The following NRG1 variants were observed in gnomAD, a reference collection of about 807,000 sequenced individuals.
NRG1 encodes pro-neuregulin-1, membrane-bound isoform.
A neutral mutation model predicts 63.8 loss-of-function variants in NRG1; 18 were observed. The ratio of observed to expected loss-of-function variants is 0.28; its 90% CI spans 0.19 to 0.42. The LOEUF is 0.42. Among genes scored for constraint, NRG1 ranks in the 10% least tolerant of loss-of-function variants. The probability of loss-of-function intolerance (pLI) is 1.00; values close to 1 mark genes in which losing one functional copy is unlikely to be tolerated. For synonymous variants in NRG1, 302 were observed against 301.3 expected (o/e 1.00, Z -0.02); for missense variants, 762 against 814.7 (o/e 0.94, Z 0.79).
At chr8:31,977,106 T>A (rs1383226867) in intron 1 of NRG1, among the ~76,000 whole-genome samples, 2 of 152,182 alleles carry the variant, frequency 1.3e-5, no homozygotes, top group Non-Finnish European at 2.9e-5. Flanking sequence ...ACCAATGTAA[T>A]TTCCTCGTTG....
At chr8:32,605,921 A>C (rs1845180912) in intron 3 of NRG1, among the ~76,000 whole-genome samples, 1 of 152,030 alleles carries the variant, frequency 6.6e-6, no homozygotes, top group Non-Finnish European at 1.5e-5. Context: ...TAAGGCCATG[A>C]ATGGCAGAGA....
chr8:31,767,343 A>C (rs1043788521), intron 1 of NRG1, among the ~76,000 whole-genome samples: 1 of 152,230 alleles, frequency 6.6e-6, no homozygotes, highest in African/African-American at 2.4e-5. Flanking sequence ...TCAGGTAGTC[A>C]TTCTGAGTAA....
intron 1 of NRG1, among the ~76,000 whole-genome samples, chr8:32,349,320 T>G (rs1805299064): frequency 6.6e-6 from 1 of 152,208 alleles, no homozygotes; most frequent in Non-Finnish European, 1.5e-5. Context: ...GTCCTCTATC[T>G]TTAAGGAAAA....
intron 1 of NRG1, among the ~76,000 whole-genome samples, chr8:31,883,025 A>C (rs1371867165): frequency 6.6e-6 from 1 of 152,134 alleles, no homozygotes; most frequent in Non-Finnish European, 1.5e-5. Flanking sequence ...TTCTCAAGAA[A>C]TTTTATTGTG....
chr8:32,350,047 C>T (rs765898508), intron 1 of NRG1, among the ~76,000 whole-genome samples: 5 of 152,052 alleles, frequency 3.3e-5, no homozygotes, highest in Admixed American at 6.5e-5. Context: ...AAATAGGAGG[C>T]GTGGGCAGCA....
chr8:32,594,612 A>G (rs1479974451), intron 1 of NRG1, among the ~76,000 whole-genome samples: 2 of 152,112 alleles, frequency 1.3e-5, no homozygotes, highest in Admixed American at 1.3e-4. Context: ...CCACCACCAT[A>G]TTATTTTGAA....
intron 1 of NRG1, among the ~76,000 whole-genome samples, chr8:31,753,925 G>A (rs1816720143): frequency 6.6e-6 from 1 of 152,110 alleles, no homozygotes; most frequent in African/African-American, 2.4e-5. Context: ...GGATTGGAAA[G>A]CACATATTCT....
At chr8:32,511,422 T>C (rs1829213196) in intron 1 of NRG1, among the ~76,000 whole-genome samples, 1 of 146,640 alleles carries the variant, frequency 6.8e-6, no homozygotes, top group African/African-American at 2.5e-5. Flanking sequence ...AGGTAAGAGC[T>C]GCTTATAGCC....
chr8:32,587,754 T>C (rs1841866312), intron 1 of NRG1, among the ~76,000 whole-genome samples: 1 of 152,104 alleles, frequency 6.6e-6, no homozygotes, highest in African/African-American at 2.4e-5. Flanking sequence ...TTTTGATGTT[T>C]AGGTATAGTA....
chr8:31,960,977 T>C (rs1805354609), intron 1 of NRG1, among the ~76,000 whole-genome samples: 1 of 152,262 alleles, frequency 6.6e-6, no homozygotes, highest in Admixed American at 6.5e-5. Flanking sequence ...TCTAATGATA[T>C]GCCTGTCAAT....
intron 1 of NRG1, among the ~76,000 whole-genome samples, chr8:32,354,456 T>C (rs1482888330): frequency 6.6e-6 from 1 of 152,148 alleles, no homozygotes; most frequent in Non-Finnish European, 1.5e-5. Flanking sequence ...TTTTTCTCTG[T>C]TATTCTCTAC....
chr8:32,252,653 G>A (rs1444158121), intron 1 of NRG1, among the ~76,000 whole-genome samples: 3 of 152,064 alleles, frequency 2.0e-5, no homozygotes, highest in Non-Finnish European at 4.4e-5. Context: ...TGTTCTTTTT[G>A]CCTAGGATTG....
chr8:32,026,953 T>A (rs1817475015), intron 1 of NRG1, among the ~76,000 whole-genome samples: 1 of 152,174 alleles, frequency 6.6e-6, no homozygotes, highest in Admixed American at 6.5e-5. Flanking sequence ...CATTTCTCTG[T>A]ATCAGTAACT....
intron 1 of NRG1, among the ~76,000 whole-genome samples, chr8:31,653,191 A>T (rs891300910): frequency 6.6e-6 from 1 of 151,984 alleles, no homozygotes; most frequent in Non-Finnish European, 1.5e-5. Context: ...TAAAGTTTCT[A>T]TAATGAATGC....
intron 1 of NRG1, among the ~76,000 whole-genome samples, chr8:31,828,085 G>C (rs1389332452): frequency 6.6e-6 from 1 of 152,214 alleles, no homozygotes; most frequent in Non-Finnish European, 1.5e-5. Context: ...CATAGTGTTA[G>C]TAAGGCCAGG....
At chr8:32,722,028 T>C in intron 5 of NRG1, 1 of 1,548,502 alleles carries the variant, frequency 6.5e-7, no homozygotes, top group Non-Finnish European at 8.7e-7. Context: ...CACATAAGCA[T>C]TGAAGATATT....
intron 1 of NRG1, among the ~76,000 whole-genome samples, chr8:32,365,837 CA>C (rs745678623): frequency 3.9e-5 from 6 of 152,292 alleles, no homozygotes; most frequent in Non-Finnish European, 8.8e-5. Context: ...ATTATTCTAA[CA>C]AAATTGATTT....
chr8:31,976,179 C>T (rs999396241), intron 1 of NRG1, among the ~76,000 whole-genome samples: 2 of 152,102 alleles, frequency 1.3e-5, no homozygotes, highest in Non-Finnish European at 2.9e-5. Context: ...TGATGTCTGC[C>T]AATTACCATT....
chr8:32,298,021 C>A (rs1855100939), intron 1 of NRG1, among the ~76,000 whole-genome samples: 1 of 152,186 alleles, frequency 6.6e-6, no homozygotes, highest in African/African-American at 2.4e-5. Flanking sequence ...GAGAACATCA[C>A]TTAAATAAAA....
Sources: allele counts gnomAD v4.1 joint callset (sites outside exome capture counted in the v4.1 genomes callset), GRCh38; gene constraint gnomAD v4.1.1; transcripts MANE v1.5; gene names NCBI Gene and HGNC (gene_info 2026-07-23, HGNC 2026-07-21).